POU6F1: variants seen among roughly 807,000 people sequenced by gnomAD.
The protein encoded by POU6F1 is POU domain, class 6, transcription factor 1.
POU6F1 carries 9 observed loss-of-function variants against 28.9 expected under a neutral mutation model. The observed-to-expected ratio is 0.31, with a 90% CI of 0.19 to 0.54. The LOEUF is 0.54. Among genes scored for constraint, POU6F1 ranks in the 20% least tolerant of loss-of-function variants. POU6F1 has a pLI of 0.94. For synonymous variants in POU6F1, 173 were observed against 171.1 expected, an observed-to-expected ratio of 1.01 and a Z score of -0.09; for missense variants, 338 against 426.1, an observed-to-expected ratio of 0.79 and a Z score of 1.82.
chr12:51,194,317 G>A (rs1201811752), intron 8 of POU6F1, among the ~76,000 whole-genome samples: 1 of 152,076 alleles, frequency 6.6e-6, no homozygotes, highest in Non-Finnish European at 1.5e-5. Context: ...CTGAGCCACT[G>A]TGCCCAGCCT....
intron 5 of POU6F1, among the ~76,000 whole-genome samples, 181 bp downstream of exon 5, chr12:51,198,369 G>A (rs1156422380): frequency 2.0e-5 from 3 of 152,198 alleles, no homozygotes; most frequent in South Asian, 2.1e-4. Context: ...GTGGCGTCAC[G>A]GCCTACAGTC....
chr12:51,212,978 C>G (rs949599340), intron 1 of POU6F1, among the ~76,000 whole-genome samples: 1 of 151,934 alleles, frequency 6.6e-6, no homozygotes, highest in Non-Finnish European at 1.5e-5. Flanking sequence ...GCTCTGTCAC[C>G]CAGGTTGGAG....
At chr12:51,191,516 G>T (rs780820029) in intron 10 of POU6F1, 80 bp downstream of exon 10, 4 of 1,497,140 alleles carry the variant, frequency 2.7e-6, no homozygotes, top group South Asian at 2.5e-5. Flanking sequence ...AAAAGGGGCC[G>T]GTGCTCAGGT....
rs576179402 is a variant in POU6F1, at chr12:51,197,956, C to G, written c.660G>C (p.Ser220=). The G allele has an allele frequency of 9.9e-6, 4 of 402,276 alleles. No homozygotes were observed. Among genetic ancestry groups the G allele is most frequent in the Middle Eastern group, 6.2e-4 (1 of 1,626 alleles). 24.9% of individuals were successfully genotyped at this position (402,276 alleles called of 1,614,324 possible). ...GGGCTGGTGGCCGGGGTTGGGCCGT[C>G]GAGGAGGCCTGTACTGGTGCGGCAG... ...VQAAAPVQAS[S]TAQPRPPAQP... The change falls in exon 6 of 11, where the codon TCG becomes TCC. Residue 220 remains serine, a synonymous_variant. Coordinates refer to ENST00000333640, the MANE Select transcript of POU6F1 (RefSeq NM_001330422.2).
intron 8 of POU6F1, among the ~76,000 whole-genome samples, chr12:51,194,422 C>T (rs1233843164): frequency 6.6e-6 from 1 of 152,092 alleles, no homozygotes; most frequent in Non-Finnish European, 1.5e-5. Context: ...GGGCTGATCA[C>T]TTGAGTTCAG....
intron 1 of POU6F1, among the ~76,000 whole-genome samples, chr12:51,212,473 A>C (rs1415154730): frequency 6.6e-6 from 1 of 150,888 alleles, no homozygotes; most frequent in East Asian, 2.0e-4. Context: ...CACATTTCCC[A>C]CCTTTGTCAA....
At chr12:51,215,376 G>A (rs1162090677) in intron 1 of POU6F1, among the ~76,000 whole-genome samples, 1 of 151,872 alleles carries the variant, frequency 6.6e-6, no homozygotes, top group Non-Finnish European at 1.5e-5. Context: ...CCAACATGGT[G>A]AAACCCCGTC....
At position 51,192,485 on chromosome 12, in the gene POU6F1, GACA is replaced by G; in HGVS notation, c.1180-17_1180-15del. 1.2e-6 allele frequency: 2 copies of G among 1,611,666 alleles called. No individual in the cohort carries two copies. Among genetic ancestry groups the G allele is most frequent in the Non-Finnish European group, 1.7e-6 (2 of 1,179,268 alleles). On this transcript the variant is annotated splice_polypyrimidine_tract_variant and intron_variant, in intron 8 of 10. Transcript: ENST00000333640. ...GATGGGCTGCACCTGTGAAAGGACA[GACA>G]ACAAGCCTTTGCTGCCCTCTGCCAG...
intron 8 of POU6F1, among the ~76,000 whole-genome samples, chr12:51,192,675 C>A (rs142045477): frequency 1.5e-4 from 23 of 152,056 alleles, no homozygotes; most frequent in Non-Finnish European, 2.6e-4. Context: ...GAAGCCAAGG[C>A]GGGAGGATCA....
rs60456495 is a variant in POU6F1 at position 51,217,667 on chromosome 12, G to C, written c.-73C>G. ...CGGAGCCCGAGCCCGAGCCGCCTTC[G>C]CCGCGGGTGTCTGGCGGCCACCGAT... On this transcript the variant is annotated 5_prime_UTR_variant, in exon 1 of 11. Transcript: ENST00000333640. The surrounding 1 kb of genome is among the most constrained non-coding windows in gnomAD (Gnocchi z 5.3). 2,690 of 151,386 alleles carry C rather than the reference G, an allele frequency of 0.018. 91 individuals carry two copies. Among genetic ancestry groups the C allele is most frequent in the East Asian group, 0.098 (497 of 5,070 alleles). The allele number at this position is 151,386 out of a possible 1,614,324, so 9.4% of individuals were successfully genotyped here. A position where few individuals can be genotyped will look rare whatever the true frequency, so the allele number is the denominator to read the frequency against.
intron 3 of POU6F1, among the ~76,000 whole-genome samples, chr12:51,203,196 TA>T (rs1468647181): frequency 6.6e-6 from 1 of 152,078 alleles, no homozygotes; most frequent in Non-Finnish European, 1.5e-5. Flanking sequence ...CGAATTTGGA[TA>T]AGGAGCAGAA....
intron 1 of POU6F1, among the ~76,000 whole-genome samples, chr12:51,209,503 A>C (rs1943847816): frequency 6.6e-6 from 1 of 152,112 alleles, no homozygotes. Flanking sequence ...TATTGTATGG[A>C]TACACTATAT....
At chr12:51,204,090 G>C (rs1592175611) in intron 3 of POU6F1, 83 bp downstream of exon 3, 1 of 398,734 alleles carries the variant, frequency 2.5e-6, no homozygotes, top group East Asian at 3.6e-5. Context: ...GAGCCCCAGG[G>C]ATTCATGCTG....
rs1942306163 is a variant in POU6F1 at position 51,190,302 on chromosome 12, T to C, written c.1781A>G (p.Asn594Ser). The C allele has an allele frequency of 1.2e-6, 2 of 1,614,204 alleles. No individual in the cohort carries two copies. The highest frequency in any genetic ancestry group is 1.7e-6 in the Non-Finnish European group (2 of 1,180,024). ...GGTGTTCTTGAGCGTCTGGCGCCGA[T>C]TGCAGAACCAGACCCGCACTACCTC... Reference protein sequence around the residue: ...DREVVRVWFCNRRQTLKNTSK... With the variant: ...DREVVRVWFCSRRQTLKNTSK... Residue 594 changes from asparagine (N) to serine (S), a missense_variant, in exon 11 of 11, where the codon AAT becomes AGT. Coordinates refer to ENST00000333640, the MANE Select transcript of POU6F1 (RefSeq NM_001330422.2). The surrounding 1 kb of genome is among the most constrained non-coding windows in gnomAD (Gnocchi z 4.5).
chr12:51,208,819 C>A (rs1354707725), intron 1 of POU6F1, among the ~76,000 whole-genome samples: 2 of 152,088 alleles, frequency 1.3e-5, no homozygotes, highest in Non-Finnish European at 2.9e-5. Context: ...TACCTGTAGT[C>A]CCAGCTACTC....
chr12:51,211,945 G>T (rs1291971674), intron 1 of POU6F1, among the ~76,000 whole-genome samples: 1 of 152,112 alleles, frequency 6.6e-6, no homozygotes, highest in Non-Finnish European at 1.5e-5. Flanking sequence ...ACTGCTCTGG[G>T]CTTAGTGCAA....
At chr12:51,204,073 AC>A (rs1291674657) in intron 3 of POU6F1, 99 bp downstream of exon 3, 2 of 398,084 alleles carry the variant, frequency 5.0e-6, no homozygotes, top group Non-Finnish European at 4.4e-6. Flanking sequence ...AGACCCTAAA[AC>A]CACCTGAGCC....
At chr12:51,203,736 T>C (rs886411164) in intron 3 of POU6F1, among the ~76,000 whole-genome samples, 3 of 151,926 alleles carry the variant, frequency 2.0e-5, no homozygotes, top group Admixed American at 2.0e-4. Context: ...GGGAAATGAA[T>C]TGGGGTGTTC....
In POU6F1 at chr12:51,191,687, G is replaced by A. The variant is rs772862626; in HGVS notation, c.1399C>T (p.Arg467Trp). The A allele has an allele frequency of 7.4e-6, 12 of 1,614,216 alleles. No homozygotes were observed. The highest frequency in any genetic ancestry group is 6.7e-5 in the East Asian group (3 of 44,880). Residue 467 changes from arginine (R) to tryptophan (W), a missense_variant, in exon 10 of 11, where the codon CGG becomes TGG. Transcript: ENST00000333640. ...TGTGTAAGGCCCAGCGAGAGCCGCCGGATCTTAAAGTTCTTGGCAAACTCC... is the reference window on the plus strand; with the variant it reads ...TGTGTAAGGCCCAGCGAGAGCCGCCAGATCTTAAAGTTCTTGGCAAACTCC... ...IREFAKNFKI[R>W]RLSLGLTQTQ...
Sources: gnomAD v4.1 joint callset for allele counts (sites outside exome capture counted in the v4.1 genomes callset) on GRCh38, gnomAD v4.1.1 for gene constraint, Gnocchi (gnomAD v3.1) non-coding constraint, MANE v1.5 for transcripts, NCBI Gene and HGNC (gene_info 2026-07-23, HGNC 2026-07-21) for gene names.